UST: variants seen among roughly 807,000 people sequenced by gnomAD.
UST encodes chondroitin sulfate 2-O-sulfotransferase.
In UST, 21 loss-of-function variants were observed where a neutral mutation model predicts 45.6. The observed-to-expected ratio is 0.46, with a 90% CI of 0.33 to 0.66. The LOEUF is 0.66. Ranked by LOEUF, UST falls within the 30% of genes least tolerant of loss-of-function variation. The pLI, the probability that UST is intolerant of heterozygous loss-of-function variation, is 0.02. For synonymous variants in UST, 215 were observed against 200.6 expected (o/e 1.07, Z -0.61); for missense variants, 463 against 512.4 (o/e 0.90, Z 0.93).
At position 149,074,303 on chromosome 6, in the gene UST, T is replaced by C; in HGVS notation, c.*187T>C. The C allele has an allele frequency of 1.5e-6, 1 of 662,990 alleles. No individual in the cohort carries two copies. The highest frequency in any genetic ancestry group is 2.8e-5 in the East Asian group (1 of 36,118). 41.1% of individuals were successfully genotyped at this position (662,990 alleles called of 1,614,324 possible). ...TTATTTGTTTAATTTTATTCTGTGT[T>C]TTCTCTTGGCTCTTTGGGTCTTTCC... On this transcript the variant is annotated 3_prime_UTR_variant, in exon 8 of 8. Coordinates refer to ENST00000367463, the MANE Select transcript of UST (RefSeq NM_005715.3).
At chr6:148,763,477 A>ATTCT (rs1194042894) in intron 1 of UST, among the ~76,000 whole-genome samples, 1 of 152,022 alleles carries the variant, frequency 6.6e-6, no homozygotes, top group African/African-American at 2.4e-5. Context: ...TACTCTGTTG[A>ATTCT]TTCTTTCTTT....
At chr6:148,828,416 T>C (rs1293143453) in intron 1 of UST, among the ~76,000 whole-genome samples, 2 of 152,178 alleles carry the variant, frequency 1.3e-5, no homozygotes, top group Non-Finnish European at 2.9e-5. Context: ...GAGCTAGTTA[T>C]AGCAGTATAA....
chr6:148,897,310 G>T (rs1041225725), intron 2 of UST, among the ~76,000 whole-genome samples: 3 of 151,946 alleles, frequency 2.0e-5, no homozygotes, highest in African/African-American at 7.3e-5. Flanking sequence ...TGGGATTACA[G>T]GTGTGCACTA....
At chr6:148,954,626 G>A (rs1018633690) in intron 4 of UST, among the ~76,000 whole-genome samples, 7 of 152,132 alleles carry the variant, frequency 4.6e-5, no homozygotes, top group Admixed American at 3.3e-4. Flanking sequence ...CCGTGCCATC[G>A]AGGTTTGTGT....
At chr6:148,828,715 TTTA>T (rs1239880004) in intron 1 of UST, among the ~76,000 whole-genome samples, 3 of 152,274 alleles carry the variant, frequency 2.0e-5, no homozygotes, top group Non-Finnish European at 2.9e-5. Flanking sequence ...ATGATGATTG[TTTA>T]TTATTATTAT....
chr6:149,018,667 C>T (rs1467843464), intron 5 of UST, among the ~76,000 whole-genome samples: 3 of 152,298 alleles, frequency 2.0e-5, no homozygotes, highest in African/African-American at 7.2e-5. Flanking sequence ...AGTGATTTTA[C>T]AGCTCCTCTA....
chr6:148,856,945 G>GAT (rs955957916), intron 1 of UST, among the ~76,000 whole-genome samples: 18 of 148,962 alleles, frequency 1.2e-4, no homozygotes, highest in African/African-American at 3.7e-4. Context: ...AGAGCTTTGT[G>GAT]ATATATATAT....
chr6:149,042,955 T>TTCTC (rs1554237057), intron 7 of UST, among the ~76,000 whole-genome samples: 50 of 109,072 alleles, frequency 4.6e-4, no homozygotes, highest in Non-Finnish European at 8.4e-4. Context: ...ATCACCATCC[T>TTCTC]TTTCTTTCTT....
chr6:148,884,941 A>G (rs939598739), intron 1 of UST, among the ~76,000 whole-genome samples: 1 of 152,156 alleles, frequency 6.6e-6, no homozygotes, highest in Non-Finnish European at 1.5e-5. Context: ...GTTTGGAGGA[A>G]GGGATATATT....
intron 5 of UST, among the ~76,000 whole-genome samples, chr6:148,971,796 A>T (rs561911600): frequency 6.6e-6 from 1 of 152,202 alleles, no homozygotes; most frequent in Admixed American, 6.5e-5. Context: ...TAAAGGACTT[A>T]AAGCAAAAGA....
At chr6:148,935,570 G>C (rs1263131535) in intron 2 of UST, among the ~76,000 whole-genome samples, 2 of 152,188 alleles carry the variant, frequency 1.3e-5, no homozygotes, top group African/African-American at 4.8e-5. Context: ...TTTTCACAGT[G>C]ATTGAGTTTA....
intron 3 of UST, among the ~76,000 whole-genome samples, chr6:148,947,169 A>G (rs766437809): frequency 1.1e-4 from 16 of 152,188 alleles, no homozygotes; most frequent in Non-Finnish European, 1.9e-4. Flanking sequence ...TCTTCTGTAG[A>G]CAGTGGGAAG....
At chr6:148,789,451 T>TCA (rs1448553656) in intron 1 of UST, among the ~76,000 whole-genome samples, 2,048 of 132,870 alleles carry the variant, frequency 0.015, 17 homozygotes, top group South Asian at 0.019. Context: ...TCTCTCTCTC[T>TCA]CTCACACACA....
chr6:148,810,815 C>T (rs114824838), intron 1 of UST, among the ~76,000 whole-genome samples: 211 of 152,326 alleles, frequency 1.4e-3, no homozygotes, highest in African/African-American at 5.0e-3. Context: ...AACTACTTCT[C>T]AAATAGTATC....
intron 7 of UST, among the ~76,000 whole-genome samples, chr6:149,026,166 A>AAAAAAAAAC (rs762937458): frequency 6.9e-6 from 1 of 143,978 alleles, no homozygotes; most frequent in Non-Finnish European, 1.5e-5. Flanking sequence ...AAAAAAAAAA[A>AAAAAAAAAC]CAGGCCTGAT....
rs193201676 is a variant in UST, at chr6:148,813,335, C to A, written c.247+65658C>A. ...GGTTTCTATAAATTAGGCCATACTG[C>A]CCCCAACCTAATATAAGCCATTGCC... On this transcript the variant is annotated intron_variant, in intron 1 of 7. Transcript: ENST00000367463. 3.8e-4 allele frequency among the ~76,000 whole-genome samples: 58 copies of A among 152,164 alleles called. No homozygotes were observed. The East Asian group carries it at 0.011, about 28-fold the overall frequency.
intron 1 of UST, among the ~76,000 whole-genome samples, chr6:148,759,362 A>G (rs1159313619): frequency 1.3e-5 from 2 of 148,878 alleles, no homozygotes; most frequent in Non-Finnish European, 3.0e-5. Context: ...CGTCTCTACT[A>G]AAAAATACAA....
chr6:149,041,039 C>A (rs1188012908), intron 7 of UST, among the ~76,000 whole-genome samples: 1 of 152,140 alleles, frequency 6.6e-6, no homozygotes, highest in Non-Finnish European at 1.5e-5. Flanking sequence ...TTAAATAAAA[C>A]CTAAAGAAAG....
At chr6:149,057,782 A>G (rs1035083943) in intron 7 of UST, among the ~76,000 whole-genome samples, 1 of 152,238 alleles carries the variant, frequency 6.6e-6, no homozygotes, top group Non-Finnish European at 1.5e-5. Flanking sequence ...TAAATAAACA[A>G]TATAGCACAG....
Sources: gnomAD v4.1 joint callset for allele counts (sites outside exome capture counted in the v4.1 genomes callset) on GRCh38, gnomAD v4.1.1 for gene constraint, MANE v1.5 for transcripts, NCBI Gene and HGNC (gene_info 2026-07-23, HGNC 2026-07-21) for gene names.